NUMB: variants seen among roughly 807,000 people sequenced by gnomAD.
The protein encoded by NUMB is protein numb homolog.
NUMB carries 29 observed loss-of-function variants against 59.7 expected under a neutral mutation model. That is an observed-to-expected ratio of 0.49 (90% CI 0.36 to 0.66). The LOEUF is 0.66. Among genes scored for constraint, NUMB ranks in the 30% least tolerant of loss-of-function variants. The pLI is 0.00. For synonymous variants in NUMB, 288 were observed against 288.2 expected (o/e 1.00, Z 0.01); for missense variants, 723 against 822.0 (o/e 0.88, Z 1.47).
intron 6 of NUMB, among the ~76,000 whole-genome samples, chr14:73,311,733 T>C (rs1201956661): frequency 6.6e-6 from 1 of 152,146 alleles, no homozygotes; most frequent in African/African-American, 2.4e-5. Flanking sequence ...ATTCAAAGAA[T>C]AACAAAGTAT....
At chr14:73,296,516 T>C (rs1480204857) in intron 7 of NUMB, among the ~76,000 whole-genome samples, 1 of 152,090 alleles carries the variant, frequency 6.6e-6, no homozygotes, top group African/African-American at 2.4e-5. Flanking sequence ...CTATGTCATG[T>C]AGAACAATAT....
intron 1 of NUMB, among the ~76,000 whole-genome samples, chr14:73,450,533 G>A (rs1025499191): frequency 6.6e-6 from 1 of 152,208 alleles, no homozygotes; most frequent in Non-Finnish European, 1.5e-5. Flanking sequence ...AGTGGCTCAC[G>A]CCTGTAATCC....
chr14:73,359,540 T>C (rs1480560336), intron 3 of NUMB, among the ~76,000 whole-genome samples: 1 of 152,208 alleles, frequency 6.6e-6, no homozygotes, highest in Non-Finnish European at 1.5e-5. Context: ...GCAAGGAACA[T>C]CTTGATGAAA....
intron 8 of NUMB, among the ~76,000 whole-genome samples, chr14:73,291,267 G>T (rs528308577): frequency 6.6e-6 from 1 of 152,122 alleles, no homozygotes; most frequent in African/African-American, 2.4e-5. Flanking sequence ...TTTTAGTAGA[G>T]ACAGGGTTTC....
Position 73,385,681 on chromosome 14 carries a change from T to C in NUMB, c.-100-18700A>G, listed in dbSNP as rs1895479823. Among the ~76,000 whole-genome samples the C allele has an allele frequency of 2.0e-5, 3 of 151,936 alleles. No individual in the cohort carries two copies. The South Asian group carries it at 6.2e-4, about 32-fold the overall frequency. ...CACACCCGGCTAATTTTTGTATTTT[T>C]AGTAGAGACTGGGTTTCGTCATGTT... On this transcript the variant is annotated intron_variant, in intron 2 of 12. Transcript: ENST00000555238.
rs189280747 is a variant in NUMB at position 73,333,885 on chromosome 14, G to A, written c.127-10681C>T. Among the ~76,000 whole-genome samples the A allele has an allele frequency of 6.2e-3, 924 of 150,030 alleles. 4 individuals are homozygous for A. Among genetic ancestry groups the A allele is most frequent in the Non-Finnish European group, 0.011 (714 of 67,584 alleles). On this transcript the variant is annotated intron_variant, in intron 4 of 12. Transcript: ENST00000555238. ...ATTGTTGATCCTTTTTTTTTTTTGA[G>A]ATGGAGTCTTGCTCTGTTGCCCAGG...
rs373948721 is a variant in NUMB, at chr14:73,284,354, C to T, written c.676G>A (p.Val226Ile). The T allele has an allele frequency of 8.7e-6, 14 of 1,613,502 alleles. No homozygotes were observed. Among genetic ancestry groups the T allele is most frequent in the African/African-American group, 2.7e-5 (2 of 74,976 alleles). ...TTGCCAGGGGCAACTGATGAACCAA[C>T]GACTATCTTATCTGTTTCAGCTCAA... The part of the protein sequence containing the change: ...AKKAETDKIV[V>I]GSSVAPGNTA... The change falls in exon 10 of 13, where the codon GTT (valine) becomes ATT (isoleucine). Residue 226 changes from valine (V) to isoleucine (I), a missense_variant. Transcript: ENST00000555238.
intron 1 of NUMB, among the ~76,000 whole-genome samples, chr14:73,428,565 C>T (rs554302227): frequency 6.6e-6 from 1 of 152,276 alleles, no homozygotes; most frequent in Non-Finnish European, 1.5e-5. Flanking sequence ...AGGCAGACGT[C>T]AGGGGATCTC....
At chr14:73,298,090 T>C (rs1328663248) in intron 6 of NUMB, 1 of 152,180 alleles carries the variant, frequency 6.6e-6, no homozygotes, top group Non-Finnish European at 1.5e-5. Context: ...AGTTTCACCA[T>C]GTTGGCCAGG....
intron 2 of NUMB, among the ~76,000 whole-genome samples, chr14:73,385,302 T>C (rs139670665): frequency 0.049 from 7,015 of 144,338 alleles, 554 homozygotes; most frequent in African/African-American, 0.17. Context: ...TGCATACCAG[T>C]TAATTCTTTT....
Position 73,287,187 on chromosome 14 carries a change from C to G in NUMB, c.578G>C (p.Gly193Ala). Residue 193 changes from glycine (G) to alanine (A), a missense_variant, in exon 9 of 13, where the codon GGA becomes GCA. Transcript: ENST00000555238. ...AGTGGCTGTTGTGACACGGAATGATCCTTCTCTTGTAAAAGTGGTCCGACT... is the reference window on the plus strand; with the variant it reads ...AGTGGCTGTTGTGACACGGAATGATGCTTCTCTTGTAAAAGTGGTCCGACT... ...DASRTTFTREGSFRVTTATEQ... is the reference protein window; with the variant it reads ...DASRTTFTREASFRVTTATEQ... 6.2e-7 allele frequency: 1 copy of G among 1,613,834 alleles called. No individual in the cohort carries two copies. Among genetic ancestry groups the G allele is most frequent in the East Asian group, 2.2e-5 (1 of 44,848 alleles).
chr14:73,360,928 C>T (rs992725435), intron 3 of NUMB, among the ~76,000 whole-genome samples: 2 of 151,984 alleles, frequency 1.3e-5, no homozygotes, highest in Non-Finnish European at 2.9e-5. Context: ...ATCACTCTGT[C>T]ACCCAGGCTG....
intron 2 of NUMB, among the ~76,000 whole-genome samples, chr14:73,367,296 T>C (rs10139641): frequency 0.23 from 27,865 of 120,640 alleles, 3,879 homozygotes; most frequent in East Asian, 0.64. Context: ...TATATATATA[T>C]ACACACACAC....
intron 2 of NUMB, among the ~76,000 whole-genome samples, chr14:73,405,055 A>C (rs1896594464): frequency 6.6e-6 from 1 of 152,138 alleles, no homozygotes; most frequent in South Asian, 2.1e-4. Context: ...AAATTATTTC[A>C]AAACAAAAAG....
At chr14:73,378,167 T>C (rs1008329166) in intron 2 of NUMB, among the ~76,000 whole-genome samples, 4 of 152,112 alleles carry the variant, frequency 2.6e-5, no homozygotes, top group East Asian at 1.9e-4. Context: ...AATTATCATA[T>C]GTCATGAGGG....
intron 2 of NUMB, among the ~76,000 whole-genome samples, chr14:73,391,210 T>C (rs1344230951): frequency 2.0e-5 from 3 of 151,892 alleles, no homozygotes; most frequent in African/African-American, 7.3e-5. Context: ...AATTAAACCA[T>C]CGTGCATAAA....
At chr14:73,283,638 T>G (rs1231132012) in intron 10 of NUMB, among the ~76,000 whole-genome samples, 4 of 152,250 alleles carry the variant, frequency 2.6e-5, no homozygotes, top group African/African-American at 9.6e-5. Flanking sequence ...TTCCTCCTTA[T>G]GGAGCCAACC....
At chr14:73,373,670 G>A (rs1457644692) in intron 2 of NUMB, among the ~76,000 whole-genome samples, 2 of 145,756 alleles carry the variant, frequency 1.4e-5, no homozygotes, top group Non-Finnish European at 3.0e-5. Context: ...GTATCAGAAT[G>A]TTTGAGTTAG....
intron 6 of NUMB, among the ~76,000 whole-genome samples, chr14:73,300,895 A>G (rs1265835373): frequency 6.6e-6 from 1 of 152,176 alleles, no homozygotes; most frequent in Admixed American, 6.6e-5. Context: ...AGTACAATAA[A>G]AAAAAGGAGA....
Sources: allele counts gnomAD v4.1 joint callset (sites outside exome capture counted in the v4.1 genomes callset), GRCh38; gene constraint gnomAD v4.1.1; transcripts MANE v1.5; gene names NCBI Gene and HGNC (gene_info 2026-07-23, HGNC 2026-07-21).